Variants in TENM4 observed in about 807,000 individuals in gnomAD.
TENM4 encodes the protein teneurin-4.
TENM4 carries 82 observed loss-of-function variants against 243.3 expected under a neutral mutation model. That is an observed-to-expected ratio of 0.34 (90% confidence interval 0.28 to 0.40). TENM4 has a LOEUF of 0.40. Ranked by LOEUF, TENM4 falls within the 10% of genes least tolerant of loss-of-function variation. TENM4 has a pLI of 1.00. For synonymous variants in TENM4, 1,412 were observed against 1,456.3 expected (o/e 0.97, Z 0.69); for missense variants, 3,138 against 3,673.3 (o/e 0.85, Z 3.77).
intron 31 of TENM4, among the ~76,000 whole-genome samples, chr11:78,671,383 C>T (rs1858322088): frequency 6.6e-6 from 1 of 152,198 alleles, no homozygotes; most frequent in Admixed American, 6.5e-5. Flanking sequence ...AGCCTATGCC[C>T]TGGACAGGTC....
intron 3 of TENM4, among the ~76,000 whole-genome samples, chr11:79,169,506 T>C (rs533665822): frequency 6.6e-6 from 1 of 152,186 alleles, no homozygotes; most frequent in Non-Finnish European, 1.5e-5. Context: ...CCTCTTTAAC[T>C]AGCACATTTG....
intron 6 of TENM4, among the ~76,000 whole-genome samples, chr11:79,016,262 G>T (rs974983738): frequency 4.6e-5 from 7 of 152,162 alleles, no homozygotes; most frequent in African/African-American, 1.7e-4. Flanking sequence ...AGATGCTGGG[G>T]ACTTGACTTA....
At chr11:79,264,922 G>C (rs1362143900) in intron 2 of TENM4, among the ~76,000 whole-genome samples, 1 of 152,220 alleles carries the variant, frequency 6.6e-6, no homozygotes, top group East Asian at 1.9e-4. Context: ...AGAGACACCT[G>C]TTCCTGGGTT....
rs1315163283 is a variant in TENM4 at position 78,701,930 on chromosome 11, C to T, written c.4683G>A (p.Arg1561=). The T allele has an allele frequency of 6.2e-7, 1 of 1,614,024 alleles. No homozygotes were observed. The highest frequency in any genetic ancestry group is 8.5e-7 in the Non-Finnish European group (1 of 1,179,896). Reference sequence around the variant, plus strand: ...GGAAAGGCTTGTTCTTCCGGATAAACCGAATTCGGATGTTCCCAAGGTCGG... The same window carrying T: ...GGAAAGGCTTGTTCTTCCGGATAAATCGAATTCGGATGTTCCCAAGGTCGG... ...YVADLGNIRI[R]FIRKNKPFLN... is the part of the protein sequence containing the mutation. Residue 1561 remains arginine, a synonymous_variant, in exon 28 of 34, where the codon CGG becomes CGA. Coordinates refer to ENST00000278550, the MANE Select transcript of TENM4 (RefSeq NM_001098816.3).
At chr11:79,371,533 C>T (rs1857786690) in intron 1 of TENM4, among the ~76,000 whole-genome samples, 1 of 152,184 alleles carries the variant, frequency 6.6e-6, no homozygotes, top group Admixed American at 6.5e-5. Context: ...TCCTCACAGC[C>T]CCCATGGGCT....
At chr11:79,403,855 A>G (rs1351961375) in intron 1 of TENM4, among the ~76,000 whole-genome samples, 1 of 152,100 alleles carries the variant, frequency 6.6e-6, no homozygotes, top group African/African-American at 2.4e-5. Context: ...ATCTCATTTA[A>G]TCCTCTGCAA....
chr11:78,795,594 T>G (rs1857144625), intron 15 of TENM4, among the ~76,000 whole-genome samples: 1 of 152,196 alleles, frequency 6.6e-6, no homozygotes, highest in Non-Finnish European at 1.5e-5. Context: ...GGGCTGAGGA[T>G]ACGAGATTAT....
At chr11:78,712,910 C>A (rs965919919) in intron 25 of TENM4, among the ~76,000 whole-genome samples, 196 bp from the exon 26 acceptor site, 2 of 151,966 alleles carry the variant, frequency 1.3e-5, no homozygotes, top group Non-Finnish European at 2.9e-5. Flanking sequence ...ACCCACTATT[C>A]TTGCAAAAAC....
chr11:78,689,214 T>C (rs1858757874), intron 28 of TENM4, among the ~76,000 whole-genome samples: 1 of 152,242 alleles, frequency 6.6e-6, no homozygotes, highest in Non-Finnish European at 1.5e-5. Flanking sequence ...AACTGCCACC[T>C]GCCTCTCTGT....
intron 3 of TENM4, among the ~76,000 whole-genome samples, chr11:79,173,920 G>A (rs1460688497): frequency 1.3e-5 from 2 of 152,170 alleles, no homozygotes; most frequent in Non-Finnish European, 2.9e-5. Context: ...AAGAGACAGA[G>A]GGTTATAAGG....
chr11:79,224,926 G>A lies in TENM4; in HGVS notation c.-264-9017C>T, dbSNP rs188142879. ...AGATTGTGCCATTGCACTCCAGCCTGGGCAACAAGAGCCAGACTCTGTCTA... is the reference window on the plus strand; with the variant it reads ...AGATTGTGCCATTGCACTCCAGCCTAGGCAACAAGAGCCAGACTCTGTCTA... On this transcript the variant is annotated intron_variant, in intron 2 of 33. Transcript: ENST00000278550. 3.3e-5 allele frequency among the ~76,000 whole-genome samples: 5 copies of A among 152,136 alleles called. No individual in the cohort carries two copies. In the South Asian group the frequency reaches 6.3e-4, roughly 19 times the overall value.
At position 78,655,928 on chromosome 11, in the gene TENM4, A is replaced by G. The variant is rs538859295; in HGVS notation, c.*2130T>C. ...GCCTCCCACAGCAGGCCTGCAGAGCACTGTATCTGACTCAGTAGAGCTCTG... is the reference window on the plus strand; with the variant it reads ...GCCTCCCACAGCAGGCCTGCAGAGCGCTGTATCTGACTCAGTAGAGCTCTG... On this transcript the variant is annotated 3_prime_UTR_variant, in exon 34 of 34. Transcript: ENST00000278550. 1.3e-5 allele frequency: 2 copies of G among 152,318 alleles called. No homozygotes were observed. Among genetic ancestry groups the G allele is most frequent in the East Asian group, 3.9e-4 (2 of 5,186 alleles). 9.4% of individuals were successfully genotyped at this position (152,318 alleles called of 1,614,324 possible). A position where few individuals can be genotyped will look rare whatever the true frequency, so the allele number is the denominator to read the frequency against.
At chr11:78,940,767 G>C (rs760025883) in intron 6 of TENM4, among the ~76,000 whole-genome samples, 1 of 152,218 alleles carries the variant, frequency 6.6e-6, no homozygotes, top group African/African-American at 2.4e-5. Flanking sequence ...CATGGTGACA[G>C]ATGAAAGTGC....
chr11:78,662,226 C>G (rs1165050061), intron 32 of TENM4, among the ~76,000 whole-genome samples: 4 of 149,404 alleles, frequency 2.7e-5, no homozygotes, highest in Non-Finnish European at 5.9e-5. Context: ...GAGTCTTGCT[C>G]TGTCACCGAG....
chr11:79,387,035 T>C (rs991684026), intron 1 of TENM4, among the ~76,000 whole-genome samples: 3 of 152,138 alleles, frequency 2.0e-5, no homozygotes, highest in Admixed American at 6.5e-5. Context: ...AAATAGATTA[T>C]GTATACTCAC....
chr11:79,244,931 C>A (rs540642468), intron 2 of TENM4, among the ~76,000 whole-genome samples: 3 of 152,278 alleles, frequency 2.0e-5, no homozygotes, highest in African/African-American at 4.8e-5. Flanking sequence ...ATGGTGGGCT[C>A]ACCCTCTAAC....
At chr11:79,375,561 A>G (rs1857874516) in intron 1 of TENM4, among the ~76,000 whole-genome samples, 1 of 152,186 alleles carries the variant, frequency 6.6e-6, no homozygotes, top group Non-Finnish European at 1.5e-5. Context: ...TAAGTATTTT[A>G]CTTCTGAAAT....
intron 1 of TENM4, among the ~76,000 whole-genome samples, chr11:79,377,617 T>C (rs1857917870): frequency 6.6e-6 from 1 of 152,200 alleles, no homozygotes; most frequent in South Asian, 2.1e-4. Flanking sequence ...TCCATGTAAA[T>C]TACTTCTGTT....
At position 79,184,162 on chromosome 11, in the gene TENM4, C is replaced by T. The variant is rs151063148; in HGVS notation, c.-163+31646G>A. On this transcript the variant is annotated intron_variant, in intron 3 of 33. Coordinates refer to ENST00000278550, the MANE Select transcript of TENM4 (RefSeq NM_001098816.3). ...TCTATGCATACAATGTAATATTATTCGGCCTTATAAAGGGAGGAAATTCTG... is the reference window on the plus strand; with the variant it reads ...TCTATGCATACAATGTAATATTATTTGGCCTTATAAAGGGAGGAAATTCTG... Among the ~76,000 whole-genome samples, 700 of 152,210 alleles carry T rather than the reference C, an allele frequency of 4.6e-3. 7 individuals carry two copies. The highest frequency in any genetic ancestry group is 0.015 in the African/African-American group (634 of 41,528).
Sources: allele counts gnomAD v4.1 joint callset (sites outside exome capture counted in the v4.1 genomes callset), GRCh38; gene constraint gnomAD v4.1.1; transcripts MANE v1.5; gene names NCBI Gene and HGNC (gene_info 2026-07-23, HGNC 2026-07-21).